Variants in TMEM108 observed in about 807,000 individuals in gnomAD.
The protein encoded by TMEM108 is transmembrane protein 108.
Under a neutral mutation model 35.1 loss-of-function variants are expected in TMEM108, and 12 were observed. The ratio of observed to expected loss-of-function variants is 0.34; its 90% CI spans 0.22 to 0.55. TMEM108 has a LOEUF of 0.55. Ranked by LOEUF, TMEM108 falls within the 20% of genes least tolerant of loss-of-function variation. The pLI is 0.89. For synonymous variants in TMEM108, 287 were observed against 308.6 expected, an observed-to-expected ratio of 0.93 and a Z score of 0.73; for missense variants, 680 against 753.3, an observed-to-expected ratio of 0.90 and a Z score of 1.14.
At chr3:133,079,435 G>A (rs544228902) in intron 2 of TMEM108, among the ~76,000 whole-genome samples, 90 of 152,186 alleles carry the variant, frequency 5.9e-4, no homozygotes, top group Non-Finnish European at 1.2e-3. Flanking sequence ...TTACAGTTGT[G>A]TAGGCTGGAA....
intron 2 of TMEM108, among the ~76,000 whole-genome samples, chr3:133,076,236 TA>T (rs377335795): frequency 2.7e-5 from 4 of 150,858 alleles, no homozygotes; most frequent in African/African-American, 9.9e-5. Flanking sequence ...AACTTTTCCA[TA>T]AAAGTAGGTC....
chr3:133,042,710 T>C (rs937658122), intron 1 of TMEM108, among the ~76,000 whole-genome samples: 2 of 152,240 alleles, frequency 1.3e-5, no homozygotes, highest in Non-Finnish European at 2.9e-5. Context: ...TAACTTAACC[T>C]TCTCAATTTA....
chr3:133,316,906 A>T (rs2071206395), intron 3 of TMEM108, among the ~76,000 whole-genome samples: 1 of 152,242 alleles, frequency 6.6e-6, no homozygotes. Context: ...CTGAATACCA[A>T]GCCAGAAGAT....
rs576942472 is a variant in TMEM108, at chr3:133,325,001, C to CA, written c.41-54750dup. On this transcript the variant is annotated intron_variant, in intron 3 of 5. Transcript: ENST00000321871. ...AGAAAAAAGAAGAAGAAGAAGAAGT[C>CA]ATTATATGAAAAAGACACAAACACA... 8.6e-4 allele frequency among the ~76,000 whole-genome samples: 130 copies of CA among 152,010 alleles called. 2 individuals carry two copies. In the South Asian group the frequency reaches 0.026, roughly 30 times the overall value.
At chr3:133,291,325 G>C (rs992468880) in intron 3 of TMEM108, among the ~76,000 whole-genome samples, 1 of 150,866 alleles carries the variant, frequency 6.6e-6, no homozygotes, top group African/African-American at 2.4e-5. Flanking sequence ...CTGTTGCCCA[G>C]GCTGGAGGGC....
intron 3 of TMEM108, among the ~76,000 whole-genome samples, chr3:133,278,483 A>T (rs1483709273): frequency 6.6e-6 from 1 of 152,230 alleles, no homozygotes; most frequent in Admixed American, 6.5e-5. Flanking sequence ...TTATGTGAAC[A>T]TTGTAGAGTG....
chr3:133,377,859 C>T (rs963105073), intron 3 of TMEM108, among the ~76,000 whole-genome samples: 16 of 152,302 alleles, frequency 1.1e-4, no homozygotes, highest in African/African-American at 2.9e-4. Flanking sequence ...GTCAGGTCAG[C>T]GGCACCATTA....
rs541979261 is a variant in TMEM108, at chr3:133,261,096, G to A, written c.40+31745G>A. Among the ~76,000 whole-genome samples the A allele has an allele frequency of 2.6e-5, 4 of 152,198 alleles. No individual in the cohort carries two copies. In the South Asian group the frequency reaches 6.2e-4, roughly 24 times the overall value. ...AGATCCTGTTGTGGTTAGAACACAC[G>A]GACAGTGAGAAATCACAAGGACAAA... On this transcript the variant is annotated intron_variant, in intron 3 of 5. Transcript: ENST00000321871.
intron 3 of TMEM108, chr3:133,247,575 A>G (rs1391622387): frequency 1.3e-5 from 2 of 151,870 alleles, no homozygotes; most frequent in Non-Finnish European, 2.9e-5. Flanking sequence ...CAACCAGAAA[A>G]TTTTGAAATC....
chr3:133,231,987 A>C (rs1946160504), intron 3 of TMEM108, among the ~76,000 whole-genome samples: 2 of 152,116 alleles, frequency 1.3e-5, no homozygotes, highest in East Asian at 3.9e-4. Flanking sequence ...TGACCCCTGC[A>C]TATGTGCCCT....
intron 4 of TMEM108, among the ~76,000 whole-genome samples, chr3:133,386,148 A>G (rs2073143494): frequency 6.6e-6 from 1 of 152,230 alleles, no homozygotes; most frequent in Non-Finnish European, 1.5e-5. Flanking sequence ...TACCCCTGTC[A>G]TGGTCAATCA....
intron 3 of TMEM108, among the ~76,000 whole-genome samples, chr3:133,304,301 G>T (rs1182100862): frequency 6.6e-6 from 1 of 152,066 alleles, no homozygotes; most frequent in Admixed American, 6.5e-5. Flanking sequence ...CTCATATATT[G>T]CATGTTCCTT....
rs10451900 is a variant in TMEM108, at chr3:133,143,790, C to G, written c.-46-85476C>G. 2.6e-5 allele frequency among the ~76,000 whole-genome samples: 4 copies of G among 152,202 alleles called. 1 individual carries two copies. The highest frequency in any genetic ancestry group is 9.6e-5 in the African/African-American group (4 of 41,530). On this transcript the variant is annotated intron_variant, in intron 2 of 5. Transcript: ENST00000321871. ...AAGACTCCATGCTCAGCCTTGACCACGCTGGTGTCTCGCCAGCCCCAGCAC... is the reference window on the plus strand; with the variant it reads ...AAGACTCCATGCTCAGCCTTGACCAGGCTGGTGTCTCGCCAGCCCCAGCAC...
chr3:133,054,193 T>C (rs1036496566), intron 2 of TMEM108, among the ~76,000 whole-genome samples: 1 of 152,184 alleles, frequency 6.6e-6, no homozygotes, highest in African/African-American at 2.4e-5. Context: ...GTGGGTTATA[T>C]AGACAACAAA....
intron 3 of TMEM108, among the ~76,000 whole-genome samples, chr3:133,377,333 T>C (rs1022577960): frequency 2.0e-5 from 3 of 152,312 alleles, no homozygotes; most frequent in Non-Finnish European, 1.5e-5. Flanking sequence ...GCCCTAGGAA[T>C]AGATTGTCTC....
chr3:133,386,476 A>C (rs766755798), intron 4 of TMEM108: 23 of 1,536,078 alleles, frequency 1.5e-5, no homozygotes, highest in Non-Finnish European at 1.9e-5. Flanking sequence ...TACAGTACTC[A>C]GGGCTCCATC....
At chr3:133,168,754 G>A (rs755059085) in intron 2 of TMEM108, among the ~76,000 whole-genome samples, 10 of 152,118 alleles carry the variant, frequency 6.6e-5, no homozygotes, top group Non-Finnish European at 7.4e-5. Flanking sequence ...TTGTTCTTTC[G>A]CTCTTTGCAA....
At chr3:133,240,471 T>G (rs1312122261) in intron 3 of TMEM108, among the ~76,000 whole-genome samples, 2 of 152,232 alleles carry the variant, frequency 1.3e-5, no homozygotes, top group African/African-American at 4.8e-5. Context: ...TTAAAGAAAT[T>G]CAATTTTATG....
Position 133,202,948 on chromosome 3 carries a change from T to TCAA in TMEM108, c.-46-26318_-46-26317insCAA, listed in dbSNP as rs1273071284. Among the ~76,000 whole-genome samples, 10 of 152,336 alleles carry TCAA rather than the reference T, an allele frequency of 6.6e-5. No individual in the cohort carries two copies. In the East Asian group the frequency reaches 1.7e-3, roughly 26 times the overall value. ...AGCATGGAATGTTTTTCCATTTGTT[T>TCAA]GTGTCTGCTCTCATTTCCTTGAGCA... On this transcript the variant is annotated intron_variant, in intron 2 of 5. Coordinates refer to ENST00000321871, the MANE Select transcript of TMEM108 (RefSeq NM_023943.4).
Sources: gnomAD v4.1 joint callset for allele counts (sites outside exome capture counted in the v4.1 genomes callset) on GRCh38, gnomAD v4.1.1 for gene constraint, MANE v1.5 for transcripts, NCBI Gene and HGNC (gene_info 2026-07-23, HGNC 2026-07-21) for gene names.